TBR1: variants seen among roughly 807,000 people sequenced by gnomAD.
TBR1 encodes T-box brain protein 1.
TBR1 carries 7 observed loss-of-function variants against 60.3 expected under a neutral mutation model. The ratio of observed to expected loss-of-function variants is 0.12; its 90% CI spans 0.07 to 0.22. The LOEUF is 0.22. Among genes scored for constraint, TBR1 ranks in the 10% least tolerant of loss-of-function variants. The probability of loss-of-function intolerance (pLI) is 1.00; values close to 1 mark genes in which losing one functional copy is unlikely to be tolerated. For synonymous variants in TBR1, 417 were observed against 409.9 expected, an observed-to-expected ratio of 1.02 and a Z score of -0.21; for missense variants, 616 against 936.8, an observed-to-expected ratio of 0.66 and a Z score of 4.47.
At chr2:161,418,359 C>A (rs1684168282) in intron 3 of TBR1, 37 bp downstream of exon 3, 2 of 1,600,758 alleles carry the variant, frequency 1.2e-6, no homozygotes, top group Admixed American at 1.7e-5. Context: ...CTCTCTCTCT[C>A]ACCCCTTCCT....
chr2:161,420,154 C>G (rs778781183), intron 4 of TBR1, 42 bp from the exon 5 acceptor site: 4 of 1,543,154 alleles, frequency 2.6e-6, no homozygotes, highest in Non-Finnish European at 3.6e-6. Flanking sequence ...CCAGTCTTCA[C>G]GTATAAAAGG....
rs181086087 is a variant in TBR1 at position 161,420,663 on chromosome 2, C to T, written c.1190+406C>T. 8.4e-5 allele frequency: 13 copies of T among 154,822 alleles called. No individual in the cohort carries two copies. The East Asian group carries it at 1.7e-3, about 20-fold the overall frequency. The allele number at this position is 154,822 out of a possible 1,614,324, so 9.6% of individuals were successfully genotyped here. On this transcript the variant is annotated intron_variant, in intron 5 of 5. Coordinates refer to ENST00000389554, the MANE Select transcript of TBR1 (RefSeq NM_006593.4). The stretch of plus-strand genomic sequence containing the variant: ...TCAGATTGTCTATGTCTGTCTGAAA[C>T]GGGCAATTCTGCCTAAAAGTGCATG...
Position 161,424,063 on chromosome 2 carries a change from T to A in TBR1, c.1885T>A (p.Ser629Thr). The part of the protein sequence containing the change: ...SSIKSIDSSD[S>T]GIYEQAKRRR... The stretch of plus-strand genomic sequence containing the variant: ...GATCAAGTCCATCGACTCCAGCGAC[T>A]CGGGGATTTACGAGCAGGCCAAGCG... The change falls in exon 6 of 6, where the codon TCG becomes ACG. Residue 629 changes from serine (S) to threonine (T), a missense_variant. Physicochemically the swap from Ser to Thr is moderately conservative, Grantham distance 58. Around this residue, in one of 8 missense-constraint regions of TBR1, gnomAD observed 210 missense variants for 297.4 expected, o/e 0.71. Transcript: ENST00000389554. This position sits in a 1 kb window ranked among gnomAD's most constrained non-coding sequence, Gnocchi z 4.4. 6.2e-7 allele frequency: 1 copy of A among 1,610,288 alleles called. No homozygotes were observed. Among genetic ancestry groups the A allele is most frequent in the East Asian group, 2.2e-5 (1 of 44,698 alleles).
At chr2:161,420,663 C>G (rs181086087) in intron 5 of TBR1, 1 of 154,704 alleles carries the variant, frequency 6.5e-6, no homozygotes, top group Admixed American at 6.5e-5. Context: ...CTGTCTGAAA[C>G]GGGCAATTCT....
chr2:161,423,533 GC>G lies in TBR1; in HGVS notation c.1359del (p.Pro455ArgfsTer32). ...KARFHPGAGA[G>X]PGPGTDRSVP... ...CGCTTCCACCCGGGCGCGGGCGCGG[GC>G]CCCGGGCCGGGTACGGACCGCAGCG... is the stretch of plus-strand genomic sequence containing the variant. On this transcript the variant is annotated frameshift_variant, in exon 6 of 6. Transcript: ENST00000389554. LOFTEE classifies it high-confidence loss of function. 6.3e-7 allele frequency: 1 copy of G among 1,577,474 alleles called. No homozygotes were observed. The highest frequency in any genetic ancestry group is 8.6e-7 in the Non-Finnish European group (1 of 1,164,922).
intron 3 of TBR1, 168 bp from the exon 4 acceptor site, chr2:161,418,724 C>T: frequency 2.1e-6 from 2 of 943,904 alleles, no homozygotes; most frequent in Non-Finnish European, 3.0e-6. Context: ...AGCCGGTCTG[C>T]CCCAGCCAGC....
intron 5 of TBR1, chr2:161,423,038 A>G (rs1479134394): frequency 4.0e-6 from 1 of 252,976 alleles, no homozygotes; most frequent in Non-Finnish European, 7.5e-6. Flanking sequence ...AAGTGGGATG[A>G]AAGTCCTTGC....
chr2:161,418,357 C>T lies in TBR1; in HGVS notation c.969+35C>T, dbSNP rs774962928. The T allele has an allele frequency of 4.1e-5, 66 of 1,601,676 alleles. No individual in the cohort carries two copies. The Admixed American group carries it at 1.1e-3, about 27-fold the overall frequency. ...TCAAGCGCTCGTGTTTTCTCTCTCT[C>T]TCACCCCTTCCTCCCTGACATCCAG... On this transcript the variant is annotated intron_variant, in intron 3 of 5. Coordinates refer to ENST00000389554, the MANE Select transcript of TBR1 (RefSeq NM_006593.4).
chr2:161,424,237 G>A lies in TBR1; in HGVS notation c.*10G>A, dbSNP rs890076. ...CTACTCGCACAGCTAGGCCGCCCCT[G>A]CCCGCCCGGCCCCGCCGCGGCCCGG... On this transcript the variant is annotated 3_prime_UTR_variant, in exon 6 of 6. Coordinates refer to ENST00000389554, the MANE Select transcript of TBR1 (RefSeq NM_006593.4). The surrounding 1 kb of genome is among the most constrained non-coding windows in gnomAD (Gnocchi z 4.4). 1,262,315 of 1,540,216 alleles carry A rather than the reference G, an allele frequency of 0.82. 519,798 individuals are homozygous for A. The highest frequency in any genetic ancestry group is 0.86 in the East Asian group (35,569 of 41,502).
Position 161,424,231 on chromosome 2 carries a change from G to C in TBR1, c.*4G>C. The C allele has an allele frequency of 6.5e-7, 1 of 1,545,890 alleles. No homozygotes were observed. Among genetic ancestry groups the C allele is most frequent in the East Asian group, 2.4e-5 (1 of 41,676 alleles). On this transcript the variant is annotated 3_prime_UTR_variant, in exon 6 of 6. Coordinates refer to ENST00000389554, the MANE Select transcript of TBR1 (RefSeq NM_006593.4). This position sits in a 1 kb window ranked among gnomAD's most constrained non-coding sequence, Gnocchi z 4.4. ...TGGCTTCTACTCGCACAGCTAGGCCGCCCCTGCCCGCCCGGCCCCGCCGCG... is the reference window on the plus strand; with the variant it reads ...TGGCTTCTACTCGCACAGCTAGGCCCCCCCTGCCCGCCCGGCCCCGCCGCG...
rs771156330 is a variant in TBR1, at chr2:161,423,639, G to T, written c.1461G>T (p.Thr487=). ...CCTCGCCGCAACGCTGGTTTGTGAC[G>T]CCGGCCAACAACCGGCTGGACTTCG... ...GAPSPQRWFV[T]PANNRLDFAA... is the part of the protein sequence containing the mutation. The change falls in exon 6 of 6, where the codon ACG becomes ACT. Residue 487 remains threonine, a synonymous_variant. Coordinates refer to ENST00000389554, the MANE Select transcript of TBR1 (RefSeq NM_006593.4). 6 of 1,539,650 alleles carry T rather than the reference G, an allele frequency of 3.9e-6. No homozygotes were observed. The highest frequency in any genetic ancestry group is 1.8e-4 in the Middle Eastern group (1 of 5,480).
At position 161,417,766 on chromosome 2, in the gene TBR1, C is replaced by T. The variant is rs1341593723; in HGVS notation, c.783C>T (p.Pro261=). The change falls in exon 2 of 6, where the codon CCC becomes CCT. Residue 261 remains proline (P), a synonymous_variant. Coordinates refer to ENST00000389554, the MANE Select transcript of TBR1 (RefSeq NM_006593.4). The surrounding 1 kb of genome is among the most constrained non-coding windows in gnomAD (Gnocchi z 5.3). Reference sequence around the variant, plus strand: ...TTGTGGATGTGATTTTGGCGGATCCCAATCACTGGAGGTTTCAAGGAGGCA... The same window carrying T: ...TTGTGGATGTGATTTTGGCGGATCCTAATCACTGGAGGTTTCAAGGAGGCA... ...NIFVDVILAD[P]NHWRFQGGKW... The T allele has an allele frequency of 6.2e-7, 1 of 1,614,136 alleles. No homozygotes were observed. The highest frequency in any genetic ancestry group is 2.2e-5 in the East Asian group (1 of 44,874).
chr2:161,417,233 T>A lies in TBR1; in HGVS notation c.692+131T>A. 1.1e-6 allele frequency: 1 copy of A among 946,616 alleles called. No homozygotes were observed. The highest frequency in any genetic ancestry group is 1.6e-6 in the Non-Finnish European group (1 of 644,962). The allele number at this position is 946,616 out of a possible 1,614,324, so 58.6% of individuals were successfully genotyped here. ...GAAGGCGCCCTAGAGTTGGCTAGTT[T>A]TGGAAAGGGGGAAAGTGGAAGGGAT... On this transcript the variant is annotated intron_variant, in intron 1 of 5. Transcript: ENST00000389554. The surrounding 1 kb of genome is among the most constrained non-coding windows in gnomAD (Gnocchi z 5.3).
chr2:161,416,523 C>G lies in TBR1; in HGVS notation c.113C>G (p.Pro38Arg). ...TCCGAGCTTGTCTTGCACGATCATC[C>G]CATTATCTCGACCACTGACAACCTG... The part of the protein sequence containing the change: ...GGSELVLHDH[P>R]IISTTDNLER... The change falls in exon 1 of 6, where the codon CCC becomes CGC. Residue 38 changes from proline to arginine, a missense_variant. By Grantham distance (103) the Pro-to-Arg change is moderately radical. This residue lies in a region of TBR1 where 211 missense variants were observed against 268.7 expected (regional missense o/e 0.79). Transcript: ENST00000389554. The surrounding 1 kb of genome is among the most constrained non-coding windows in gnomAD (Gnocchi z 6.1). 1 of 1,614,128 alleles carries G rather than the reference C, an allele frequency of 6.2e-7. No individual in the cohort carries two copies. The highest frequency in any genetic ancestry group is 8.5e-7 in the Non-Finnish European group (1 of 1,180,022).
rs1181567085 is a variant in TBR1, at chr2:161,424,501, A to C, written c.*274A>C. 2.0e-5 allele frequency: 8 copies of C among 394,762 alleles called. No individual in the cohort carries two copies. The highest frequency in any genetic ancestry group is 2.7e-5 in the Non-Finnish European group (6 of 219,246). 24.5% of individuals were successfully genotyped at this position (394,762 alleles called of 1,614,324 possible). On this transcript the variant is annotated 3_prime_UTR_variant, in exon 6 of 6. Coordinates refer to ENST00000389554, the MANE Select transcript of TBR1 (RefSeq NM_006593.4). This position sits in a 1 kb window ranked among gnomAD's most constrained non-coding sequence, Gnocchi z 4.4. ...TTCTTCTGTGGAGTTATCCTCCTAC[A>C]ATTCCCCTCCCCCTCGTCTTTCTCT...
At position 161,418,975 on chromosome 2, in the gene TBR1, C is replaced by G. The variant is rs1394571421; in HGVS notation, c.1053C>G (p.Ser351Arg). 5.6e-6 allele frequency: 9 copies of G among 1,614,264 alleles called. No homozygotes were observed. Among genetic ancestry groups the G allele is most frequent in the Non-Finnish European group, 6.8e-6 (8 of 1,180,052 alleles). ...ACGAGGACGGCACGGAGGACACTAG[C>G]CAGCCCGGCCGCGTGCAGACGTTCA... is the stretch of plus-strand genomic sequence containing the variant. ...EVNEDGTEDT[S>R]QPGRVQTFTF... Residue 351 changes from serine to arginine, a missense_variant, in exon 4 of 6, where the codon AGC becomes AGG. Ser to Arg is a moderately radical substitution (Grantham distance 110, BLOSUM62 -1). Transcript: ENST00000389554.
Position 161,424,118 on chromosome 2 carries a change from T to G in TBR1, c.1940T>G (p.Val647Gly). The G allele has an allele frequency of 2.5e-6, 4 of 1,612,660 alleles. No homozygotes were observed. The highest frequency in any genetic ancestry group is 3.4e-6 in the Non-Finnish European group (4 of 1,179,602). The change falls in exon 6 of 6, where the codon GTG (valine) becomes GGG (glycine). Residue 647 changes from valine (V) to glycine (G), a missense_variant. Around this residue, in one of 8 missense-constraint regions of TBR1, gnomAD observed 210 missense variants for 297.4 expected, o/e 0.71. Coordinates refer to ENST00000389554, the MANE Select transcript of TBR1 (RefSeq NM_006593.4). This position sits in a 1 kb window ranked among gnomAD's most constrained non-coding sequence, Gnocchi z 4.4. ...RRRISPADTP[V>G]SESSSPLKSE... is the part of the protein sequence containing the mutation. ...CGGATCTCGCCGGCCGACACGCCCG[T>G]GTCCGAGAGTTCGTCCCCGCTCAAG... is the stretch of plus-strand genomic sequence containing the variant.
intron 3 of TBR1, chr2:161,418,592 C>T (rs1684173208): frequency 3.7e-6 from 2 of 545,290 alleles, no homozygotes; most frequent in East Asian, 6.9e-5. Context: ...ACAAGATCTG[C>T]AGGTTGTGGA....
chr2:161,420,282 T>C, intron 5 of TBR1, 25 bp downstream of exon 5: 2 of 1,599,786 alleles, frequency 1.3e-6, no homozygotes, highest in Non-Finnish European at 1.7e-6. Context: ...ATCTTCCTTT[T>C]CAAATAGCTG....
Sources: allele counts gnomAD v4.1 joint callset, GRCh38; gene constraint gnomAD v4.1.1; regional missense constraint gnomAD v4.1.1; non-coding constraint Gnocchi (gnomAD v3.1); transcripts MANE v1.5; gene names NCBI Gene and HGNC (gene_info 2026-07-23, HGNC 2026-07-21).